Variants in CSMD1 observed in about 807,000 individuals in gnomAD.
The protein encoded by CSMD1 is CUB and Sushi multiple domains 1.
In CSMD1, 213 loss-of-function variants were observed where a neutral mutation model predicts 417.5. That is an observed-to-expected ratio of 0.51 (90% CI 0.46 to 0.57). The LOEUF (loss-of-function observed/expected upper bound fraction) is 0.57. Ranked by LOEUF, CSMD1 falls within the 20% of genes least tolerant of loss-of-function variation. The pLI is 0.00. For missense variants in CSMD1, 6,923 were observed against 4,529.7 expected, an observed-to-expected ratio of 1.53 and a Z score of -15.17; for synonymous variants, 2,862 against 1,736.8, an observed-to-expected ratio of 1.65 and a Z score of -16.11.
At chr8:4,933,481 T>C (rs563532825) in intron 1 of CSMD1, among the ~76,000 whole-genome samples, 67 of 152,308 alleles carry the variant, frequency 4.4e-4, no homozygotes, top group African/African-American at 1.5e-3. Context: ...GAACTGTCAG[T>C]GCAGAAGGTA....
At chr8:3,016,785 C>A (rs952420384) in intron 52 of CSMD1, among the ~76,000 whole-genome samples, 2 of 152,124 alleles carry the variant, frequency 1.3e-5, no homozygotes, top group Non-Finnish European at 2.9e-5. Context: ...CAAATGGACT[C>A]ATTTCTGAGT....
chr8:3,654,695 G>C (rs902646532), intron 7 of CSMD1, among the ~76,000 whole-genome samples: 2 of 152,312 alleles, frequency 1.3e-5, no homozygotes, highest in African/African-American at 2.4e-5. Context: ...ATTCGGGTCA[G>C]AGCCAGCACA....
chr8:4,842,715 T>C (rs529256559), intron 1 of CSMD1, among the ~76,000 whole-genome samples: 1 of 152,236 alleles, frequency 6.6e-6, no homozygotes, highest in Non-Finnish European at 1.5e-5. Context: ...TAGATGCTAC[T>C]AGAACAAAAG....
intron 2 of CSMD1, among the ~76,000 whole-genome samples, chr8:4,465,197 G>T (rs932592330): frequency 6.6e-6 from 1 of 152,108 alleles, no homozygotes; most frequent in African/African-American, 2.4e-5. Context: ...TCCAAACCAG[G>T]AGGATGCCAC....
At chr8:3,746,152 T>G (rs893329557) in intron 6 of CSMD1, among the ~76,000 whole-genome samples, 1 of 152,238 alleles carries the variant, frequency 6.6e-6, no homozygotes, top group South Asian at 2.1e-4. Flanking sequence ...ACATGAAGAA[T>G]AAGAGCAGCT....
chr8:3,979,323 A>G (rs989979035), intron 5 of CSMD1, among the ~76,000 whole-genome samples: 1 of 152,232 alleles, frequency 6.6e-6, no homozygotes, highest in Non-Finnish European at 1.5e-5. Context: ...TGAATCAGGT[A>G]TCACGCTGTT....
intron 2 of CSMD1, among the ~76,000 whole-genome samples, chr8:4,516,594 G>A (rs1159161950): frequency 6.6e-6 from 1 of 152,102 alleles, no homozygotes; most frequent in Non-Finnish European, 1.5e-5. Context: ...TGTGTTGTAT[G>A]GGGTCTCCCT....
chr8:3,171,531 T>C (rs2129044018), intron 37 of CSMD1, among the ~76,000 whole-genome samples: 1 of 152,288 alleles, frequency 6.6e-6, no homozygotes, highest in African/African-American at 2.4e-5. Context: ...CACTAGTCAT[T>C]ACTTATTCCA....
chr8:4,133,712 A>AT (rs1347897075), intron 3 of CSMD1, among the ~76,000 whole-genome samples: 1 of 6,972 alleles, frequency 1.4e-4, no homozygotes, highest in Non-Finnish European at 6.5e-3. Context: ...ATAAAGTGTA[A>AT]TCTCAAGACT....
intron 1 of CSMD1, among the ~76,000 whole-genome samples, chr8:4,927,962 T>C (rs1243399172): frequency 6.6e-6 from 1 of 152,178 alleles, no homozygotes; most frequent in South Asian, 2.1e-4. Flanking sequence ...CTCCAGTGAT[T>C]CTTTCAGACC....
intron 10 of CSMD1, among the ~76,000 whole-genome samples, chr8:3,524,382 C>T (rs1045304291): frequency 6.8e-6 from 1 of 146,758 alleles, no homozygotes; most frequent in Non-Finnish European, 1.5e-5. Context: ...CACACATGCA[C>T]ATACACACAC....
chr8:4,768,613 G>A (rs1412890820), intron 1 of CSMD1, among the ~76,000 whole-genome samples: 1 of 152,102 alleles, frequency 6.6e-6, no homozygotes, highest in Non-Finnish European at 1.5e-5. Flanking sequence ...TGTTTACCTG[G>A]TCTTCTCTGC....
At chr8:3,859,604 T>G (rs1246291829) in intron 5 of CSMD1, among the ~76,000 whole-genome samples, 2 of 152,080 alleles carry the variant, frequency 1.3e-5, no homozygotes, top group Non-Finnish European at 2.9e-5. Context: ...CCAACCATGT[T>G]ATTTATGGTG....
In CSMD1 at chr8:3,709,767, G is replaced by C. The variant is rs144694664; in HGVS notation, c.932-1276C>G. 5.6e-4 allele frequency among the ~76,000 whole-genome samples: 73 copies of C among 130,900 alleles called. No individual in the cohort carries two copies. The East Asian group carries it at 0.016, about 29-fold the overall frequency. The allele number at this position is 130,900 out of a possible 152,430, so 85.9% of individuals were successfully genotyped here. A position where few individuals can be genotyped will look rare whatever the true frequency, so the allele number is the denominator to read the frequency against. ...CACCGGCTTTCCTGGTCTCCAACTT[G>C]CTGACTTACCCCTTTCAGGTCTTCG... On this transcript the variant is annotated intron_variant, in intron 6 of 69. Coordinates refer to ENST00000635120, the MANE Select transcript of CSMD1 (RefSeq NM_033225.6).
intron 2 of CSMD1, among the ~76,000 whole-genome samples, chr8:4,539,513 T>C (rs1797276657): frequency 6.6e-6 from 1 of 152,194 alleles, no homozygotes; most frequent in Admixed American, 6.5e-5. Context: ...CTCTAATATT[T>C]CATTAGCCTT....
At chr8:3,807,613 T>C (rs1272282725) in intron 5 of CSMD1, among the ~76,000 whole-genome samples, 2 of 152,222 alleles carry the variant, frequency 1.3e-5, no homozygotes, top group South Asian at 2.1e-4. Context: ...AATAACATAA[T>C]TGTGTTTCAG....
At chr8:4,756,855 G>C (rs1300152359) in intron 1 of CSMD1, among the ~76,000 whole-genome samples, 2 of 152,206 alleles carry the variant, frequency 1.3e-5, no homozygotes, top group African/African-American at 4.8e-5. Flanking sequence ...CTGAAAAAGG[G>C]TGGACTTCAC....
chr8:3,462,652 T>A (rs76455023), intron 12 of CSMD1, among the ~76,000 whole-genome samples: 17,331 of 152,142 alleles, frequency 0.11, 1,733 homozygotes, highest in East Asian at 0.33. Flanking sequence ...ATAATTATTT[T>A]ATTACACATT....
At position 3,706,071 on chromosome 8, in the gene CSMD1, G is replaced by C. The variant is rs185187564; in HGVS notation, c.1009+2343C>G. ...GGAACGCCTAAGGCACGCATGACGC[G>C]CTGGAACGTGGCCTGGCCTGTGCCT... On this transcript the variant is annotated intron_variant, in intron 7 of 69. Coordinates refer to ENST00000635120, the MANE Select transcript of CSMD1 (RefSeq NM_033225.6). Among the ~76,000 whole-genome samples, 9 of 152,358 alleles carry C rather than the reference G, an allele frequency of 5.9e-5. No individual in the cohort carries two copies. In the East Asian group the frequency reaches 1.5e-3, roughly 26 times the overall value.
Sources: gnomAD v4.1 joint callset for allele counts (sites outside exome capture counted in the v4.1 genomes callset) on GRCh38, gnomAD v4.1.1 for gene constraint, MANE v1.5 for transcripts, NCBI Gene and HGNC (gene_info 2026-07-23, HGNC 2026-07-21) for gene names.